Variants in DEFB131B observed in about 807,000 individuals in gnomAD.
DEFB131B encodes defensin beta 131B.
Under a neutral mutation model 2.1 loss-of-function variants are expected in DEFB131B, and 2 were observed. That is an observed-to-expected ratio of 0.94 (90% CI 0.38 to 2.95). DEFB131B has a LOEUF of 2.95. Among genes scored for constraint, DEFB131B ranks in the 30% most tolerant of loss-of-function variants. The probability of loss-of-function intolerance (pLI) is 0.09; values close to 1 mark genes in which losing one functional copy is unlikely to be tolerated. For synonymous variants in DEFB131B, 26 were observed against 25.8 expected, an observed-to-expected ratio of 1.01 and a Z score of -0.03; for missense variants, 77 against 78.5, an observed-to-expected ratio of 0.98 and a Z score of 0.07.
intron 1 of DEFB131B, among the ~76,000 whole-genome samples, chr11:71,880,154 TAAGTC>T (rs1952551160): frequency 6.6e-6 from 1 of 152,178 alleles, no homozygotes; most frequent in South Asian, 2.1e-4. Flanking sequence ...AAAAGATAAA[TAAGTC>T]AATTGATAAT....
chr11:71,883,382 T>A (rs1197534335), intron 1 of DEFB131B, among the ~76,000 whole-genome samples: 1 of 152,186 alleles, frequency 6.6e-6, no homozygotes, highest in African/African-American at 2.4e-5. Context: ...GCTACTGGGA[T>A]AAAGATAGAC....
chr11:71,880,681 T>G (rs1952555105), intron 1 of DEFB131B, among the ~76,000 whole-genome samples: 1 of 152,196 alleles, frequency 6.6e-6, no homozygotes, highest in African/African-American at 2.4e-5. Flanking sequence ...CTGTCTTTGT[T>G]GTATTCCATA....
chr11:71,883,873 C>T (rs368004802), intron 1 of DEFB131B, among the ~76,000 whole-genome samples: 1 of 152,148 alleles, frequency 6.6e-6, no homozygotes, highest in Non-Finnish European at 1.5e-5. Flanking sequence ...CTTCTGACCC[C>T]TTCTCTCAAT....
At chr11:71,882,956 G>A (rs1178553555) in intron 1 of DEFB131B, among the ~76,000 whole-genome samples, 5 of 152,092 alleles carry the variant, frequency 3.3e-5, no homozygotes, top group Non-Finnish European at 7.3e-5. Context: ...AGCACTAACA[G>A]CAAGCAACTG....
chr11:71,883,099 C>A (rs1952584640), intron 1 of DEFB131B, among the ~76,000 whole-genome samples: 1 of 152,022 alleles, frequency 6.6e-6, no homozygotes, highest in Admixed American at 6.5e-5. Flanking sequence ...AAAGAAGACA[C>A]AAATCAGTAG....
At chr11:71,882,942 C>T (rs940927071) in intron 1 of DEFB131B, among the ~76,000 whole-genome samples, 2 of 152,088 alleles carry the variant, frequency 1.3e-5, no homozygotes, top group African/African-American at 4.8e-5. Flanking sequence ...AGTTGTGTTT[C>T]TATAGCACTA....
At chr11:71,884,046 C>T (rs2121358852) in intron 1 of DEFB131B, among the ~76,000 whole-genome samples, 2 of 152,320 alleles carry the variant, frequency 1.3e-5, no homozygotes, top group Middle Eastern at 6.8e-3. Context: ...ACACTAGATT[C>T]CATCCCCAAT....
chr11:71,882,290 T>C (rs1278413337), intron 1 of DEFB131B, among the ~76,000 whole-genome samples: 1 of 152,076 alleles, frequency 6.6e-6, no homozygotes, highest in African/African-American at 2.4e-5. Flanking sequence ...GAGTCTCACT[T>C]TGTCACCCAG....
At chr11:71,881,656 A>G (rs1352994471) in intron 1 of DEFB131B, among the ~76,000 whole-genome samples, 2 of 152,130 alleles carry the variant, frequency 1.3e-5, no homozygotes, top group East Asian at 3.8e-4. Context: ...AAATCTTCAA[A>G]TATGATTACA....
intron 1 of DEFB131B, among the ~76,000 whole-genome samples, chr11:71,883,054 T>C (rs1337186425): frequency 6.6e-6 from 1 of 152,092 alleles, no homozygotes; most frequent in Non-Finnish European, 1.5e-5. Flanking sequence ...GAAAGACTGG[T>C]ACATTAAAAA....
chr11:71,880,054 C>T (rs531114693), intron 1 of DEFB131B, among the ~76,000 whole-genome samples: 3 of 151,890 alleles, frequency 2.0e-5, no homozygotes, highest in East Asian at 1.9e-4. Flanking sequence ...CCAACATTCA[C>T]GGAGGAAAAG....
intron 1 of DEFB131B, among the ~76,000 whole-genome samples, chr11:71,881,795 A>G (rs60832878): frequency 0.036 from 5,535 of 152,308 alleles, 332 homozygotes; most frequent in African/African-American, 0.13. Context: ...AGAATTTTAA[A>G]TAGCAACTTC....
intron 1 of DEFB131B, among the ~76,000 whole-genome samples, chr11:71,881,305 A>G (rs1283093271): frequency 6.6e-6 from 1 of 152,158 alleles, no homozygotes; most frequent in Non-Finnish European, 1.5e-5. Context: ...ACTTAAAGTC[A>G]ATTTTGTCCA....
chr11:71,882,471 T>C (rs1162323777), intron 1 of DEFB131B, among the ~76,000 whole-genome samples: 10 of 152,228 alleles, frequency 6.6e-5, no homozygotes, highest in African/African-American at 2.4e-4. Flanking sequence ...CCCCAGGTGA[T>C]CTGCCCGCCT....
At chr11:71,884,179 A>T in intron 1 of DEFB131B, 2 of 389,406 alleles carry the variant, frequency 5.1e-6, no homozygotes, top group Non-Finnish European at 9.0e-6. Context: ...TCTCATTTAA[A>T]ATTCTGTACA....
At chr11:71,882,289 T>G (rs1465614018) in intron 1 of DEFB131B, among the ~76,000 whole-genome samples, 2 of 152,134 alleles carry the variant, frequency 1.3e-5, no homozygotes, top group Non-Finnish European at 2.9e-5. Flanking sequence ...AGAGTCTCAC[T>G]TTGTCACCCA....
intron 1 of DEFB131B, among the ~76,000 whole-genome samples, chr11:71,884,039 C>T (rs572065982): frequency 2.6e-5 from 4 of 152,352 alleles, no homozygotes; most frequent in African/African-American, 9.6e-5. Flanking sequence ...TCCACTTACA[C>T]TAGATTCCAT....
At chr11:71,879,931 A>C (rs1029904055) in intron 1 of DEFB131B, among the ~76,000 whole-genome samples, 1 of 152,128 alleles carries the variant, frequency 6.6e-6, no homozygotes, top group Non-Finnish European at 1.5e-5. Context: ...TCATTCCTTC[A>C]TTCAGTGGTC....
At chr11:71,883,536 A>C (rs541855031) in intron 1 of DEFB131B, among the ~76,000 whole-genome samples, 13 of 152,312 alleles carry the variant, frequency 8.5e-5, no homozygotes, top group African/African-American at 9.6e-5. Context: ...CTGAATATTC[A>C]TATGCAAAAG....
Sources: allele counts gnomAD v4.1 joint callset (sites outside exome capture counted in the v4.1 genomes callset), GRCh38; gene constraint gnomAD v4.1.1; transcripts MANE v1.5; gene names NCBI Gene and HGNC (gene_info 2026-07-23, HGNC 2026-07-21).